The following MTMR3 variants were observed in gnomAD, a reference collection of about 807,000 sequenced individuals.
The protein encoded by MTMR3 is myotubularin related protein 3.
Under a neutral mutation model 132.4 loss-of-function variants are expected in MTMR3, and 32 were observed. The observed-to-expected ratio is 0.24, with a 90% CI of 0.18 to 0.32. The LOEUF (loss-of-function observed/expected upper bound fraction) is 0.32. MTMR3 is among the 10% of genes least tolerant of loss of function. The pLI, the probability that MTMR3 is intolerant of heterozygous loss-of-function variation, is 1.00. For synonymous variants in MTMR3, 556 were observed against 550.3 expected, an observed-to-expected ratio of 1.01 and a Z score of -0.14; for missense variants, 1,216 against 1,489.6, an observed-to-expected ratio of 0.82 and a Z score of 3.02.
intron 1 of MTMR3, among the ~76,000 whole-genome samples, chr22:29,947,323 A>G (rs1022876114): frequency 6.6e-6 from 1 of 152,090 alleles, no homozygotes; most frequent in African/African-American, 2.4e-5. Context: ...GAGAATTCCA[A>G]TTATTTGTCT....
intron 13 of MTMR3, 130 bp downstream of exon 13, chr22:30,012,693 T>A: frequency 1.0e-6 from 1 of 1,002,140 alleles, no homozygotes; most frequent in Non-Finnish European, 1.4e-6. Flanking sequence ...CATTGTTCCT[T>A]TATGCCATGA....
intron 1 of MTMR3, among the ~76,000 whole-genome samples, chr22:29,915,157 GTACA>G (rs1251814375): frequency 1.3e-5 from 2 of 152,012 alleles, no homozygotes; most frequent in Non-Finnish European, 2.9e-5. Flanking sequence ...CTGTTTTTAG[GTACA>G]TACATATTTA....
At chr22:29,931,687 A>G (rs2065647492) in intron 1 of MTMR3, among the ~76,000 whole-genome samples, 1 of 152,204 alleles carries the variant, frequency 6.6e-6, no homozygotes, top group African/African-American at 2.4e-5. Context: ...TGTTGGGATT[A>G]CAGGCATGAG....
chr22:30,030,574 C>T lies in MTMR3; in HGVS notation c.*4773C>T, dbSNP rs776540906. On this transcript the variant is annotated 3_prime_UTR_variant, in exon 20 of 20. Transcript: ENST00000401950. ...TCCTGCCAGTGCTATAATCCAGTGT[C>T]GTAGGTGCAGGGTATGAATCAGCTC... 17 of 132,722 alleles carry T rather than the reference C, an allele frequency of 1.3e-4. No individual in the cohort carries two copies. Among genetic ancestry groups the T allele is most frequent in the Non-Finnish European group, 2.3e-4 (15 of 65,848 alleles). The allele number at this position is 132,722 out of a possible 1,614,324, so 8.2% of individuals were successfully genotyped here. A position where few individuals can be genotyped will look rare whatever the true frequency, so the allele number is the denominator to read the frequency against.
chr22:29,982,937 T>TTTTTTTTTTTTTTGTGTGTG (rs752531735), intron 5 of MTMR3: 18 of 146,276 alleles, frequency 1.2e-4, no homozygotes, highest in African/African-American at 4.4e-4. Context: ...AAAAGTTTGT[T>TTTTTTTTTTTTTTGTGTGTG]TGTGTGTGTG....
intron 8 of MTMR3, 87 bp from the exon 9 acceptor site, chr22:30,002,793 G>A (rs2067202656): frequency 1.0e-6 from 1 of 988,818 alleles, no homozygotes; most frequent in Admixed American, 2.0e-5. Context: ...TCCTTATGCT[G>A]GCTCACCTAG....
intron 6 of MTMR3, chr22:29,990,297 TA>T (rs1197432491): frequency 2.0e-5 from 3 of 152,192 alleles, no homozygotes; most frequent in African/African-American, 7.2e-5. Context: ...CTAGAGGTCT[TA>T]AATTCCACAA....
intron 1 of MTMR3, among the ~76,000 whole-genome samples, chr22:29,929,173 C>T (rs777428361): frequency 2.6e-5 from 4 of 151,838 alleles, no homozygotes; most frequent in African/African-American, 7.3e-5. Context: ...CCCAGCTACT[C>T]GGGAGGCTAA....
At chr22:29,993,472 C>T (rs1027219002) in intron 7 of MTMR3, 1 of 152,018 alleles carries the variant, frequency 6.6e-6, no homozygotes, top group African/African-American at 2.4e-5. Context: ...TTAATGAGTG[C>T]ATCCTACTGC....
chr22:29,897,669 T>G (rs2064929078), intron 1 of MTMR3, among the ~76,000 whole-genome samples: 1 of 151,984 alleles, frequency 6.6e-6, no homozygotes, highest in Non-Finnish European at 1.5e-5. Flanking sequence ...GCCAGGCTGG[T>G]TTTGAACTGG....
chr22:29,946,340 A>G (rs1371052017), intron 1 of MTMR3, among the ~76,000 whole-genome samples: 1 of 152,128 alleles, frequency 6.6e-6, no homozygotes, highest in Non-Finnish European at 1.5e-5. Context: ...TAGATTGACA[A>G]CCTAGAGGAG....
At chr22:29,950,695 A>G (rs888569697) in intron 1 of MTMR3, among the ~76,000 whole-genome samples, 2 of 152,226 alleles carry the variant, frequency 1.3e-5, no homozygotes, top group African/African-American at 2.4e-5. Context: ...GTAAACCTAA[A>G]TGCTGCCTTA....
intron 1 of MTMR3, among the ~76,000 whole-genome samples, chr22:29,893,953 C>T (rs778347912): frequency 1.3e-5 from 2 of 152,150 alleles, no homozygotes; most frequent in Non-Finnish European, 2.9e-5. Context: ...TCAAGCCATT[C>T]TCGTGTCTCA....
intron 1 of MTMR3, among the ~76,000 whole-genome samples, chr22:29,906,882 A>G (rs2065114415): frequency 6.6e-6 from 1 of 151,406 alleles, no homozygotes; most frequent in South Asian, 2.1e-4. Flanking sequence ...GTTCGAGACC[A>G]GCCTGGCCAA....
At chr22:30,023,276 T>G (rs1173583072) in intron 19 of MTMR3, 1 of 649,264 alleles carries the variant, frequency 1.5e-6, no homozygotes, top group Non-Finnish European at 2.8e-6. Context: ...TCAGTGTTCT[T>G]AGAAGAGGAA....
intron 1 of MTMR3, among the ~76,000 whole-genome samples, chr22:29,900,219 A>G (rs2064979201): frequency 6.6e-6 from 1 of 152,198 alleles, no homozygotes; most frequent in Non-Finnish European, 1.5e-5. Flanking sequence ...ACAAAGTTTT[A>G]AGGAATCTCA....
At position 30,008,061 on chromosome 22, in the gene MTMR3, A is replaced by T. The variant is rs770885395; in HGVS notation, c.1009+29A>T. 25 of 1,607,882 alleles carry T rather than the reference A, an allele frequency of 1.6e-5. No individual in the cohort carries two copies. In the East Asian group the frequency reaches 2.9e-4, roughly 19 times the overall value. On this transcript the variant is annotated intron_variant, in intron 11 of 19. Coordinates refer to ENST00000401950, the MANE Select transcript of MTMR3 (RefSeq NM_021090.4). ...AGGTGTATGGTGCTTTGTTCCCCAT[A>T]CTTTCTCCTTGTGAGTGTAGCCCTT... is the stretch of plus-strand genomic sequence containing the variant.
intron 1 of MTMR3, among the ~76,000 whole-genome samples, chr22:29,951,217 T>C (rs1233615794): frequency 6.6e-6 from 1 of 152,174 alleles, no homozygotes; most frequent in Non-Finnish European, 1.5e-5. Context: ...TCAGAACATA[T>C]ACTTTTATAT....
At position 29,976,763 on chromosome 22, in the gene MTMR3, T is replaced by G. The variant is rs149035986; in HGVS notation, c.4-1679T>G. On this transcript the variant is annotated intron_variant, in intron 3 of 19. Coordinates refer to ENST00000401950, the MANE Select transcript of MTMR3 (RefSeq NM_021090.4). ...GCCCCTGTAAGCATCTCAGAGTCTG[T>G]GGACTTCATTTTGAGAATCATGCTA... is the stretch of plus-strand genomic sequence containing the variant. 8.5e-5 allele frequency among the ~76,000 whole-genome samples: 13 copies of G among 152,312 alleles called. No homozygotes were observed. In the East Asian group the frequency reaches 2.5e-3, roughly 29 times the overall value.
Sources: allele counts gnomAD v4.1 joint callset (sites outside exome capture counted in the v4.1 genomes callset), GRCh38; gene constraint gnomAD v4.1.1; transcripts MANE v1.5; gene names NCBI Gene and HGNC (gene_info 2026-07-23, HGNC 2026-07-21).